The following ZCCHC7 variants were observed in gnomAD, a reference collection of about 807,000 sequenced individuals.
ZCCHC7 encodes the protein zinc finger CCHC domain-containing protein 7.
ZCCHC7 carries 35 observed loss-of-function variants against 52.0 expected under a neutral mutation model. That is an observed-to-expected ratio of 0.67 (90% confidence interval 0.51 to 0.89). The LOEUF (loss-of-function observed/expected upper bound fraction) is 0.89. ZCCHC7 is among the 40% of genes least tolerant of loss of function. The pLI is 0.00. For missense variants in ZCCHC7, 574 were observed against 649.1 expected (o/e 0.88, Z 1.26); for synonymous variants, 217 against 221.5 (o/e 0.98, Z 0.18).
chr9:37,330,724 A>T (rs1240724095), intron 6 of ZCCHC7, among the ~76,000 whole-genome samples: 1 of 151,532 alleles, frequency 6.6e-6, no homozygotes, highest in Non-Finnish European at 1.5e-5. Flanking sequence ...CTGACTTTTA[A>T]TGTTCTTTTT....
At chr9:37,142,477 A>G (rs1843270960) in intron 2 of ZCCHC7, among the ~76,000 whole-genome samples, 1 of 151,728 alleles carries the variant, frequency 6.6e-6, no homozygotes. Flanking sequence ...ACCAAGAAAT[A>G]AATAGCATCA....
intron 2 of ZCCHC7, among the ~76,000 whole-genome samples, chr9:37,287,565 C>T (rs933378608): frequency 3.3e-5 from 5 of 151,972 alleles, no homozygotes; most frequent in Admixed American, 6.6e-5. Flanking sequence ...TCAAGTTAGA[C>T]GGTAACAGAG....
At chr9:37,194,263 T>G (rs1823169366) in intron 2 of ZCCHC7, among the ~76,000 whole-genome samples, 1 of 152,164 alleles carries the variant, frequency 6.6e-6, no homozygotes, top group African/African-American at 2.4e-5. Flanking sequence ...CAAATTGGAG[T>G]ACTTGATTCC....
At chr9:37,223,929 A>G (rs1259654288) in intron 2 of ZCCHC7, among the ~76,000 whole-genome samples, 1 of 152,132 alleles carries the variant, frequency 6.6e-6, no homozygotes, top group African/African-American at 2.4e-5. Context: ...ATTTATGCCT[A>G]AAAAAGACAA....
At chr9:37,193,342 A>C (rs1823115880) in intron 2 of ZCCHC7, among the ~76,000 whole-genome samples, 2 of 152,152 alleles carry the variant, frequency 1.3e-5, no homozygotes, top group African/African-American at 4.8e-5. Flanking sequence ...GTACTGTGTA[A>C]ATCAGACATT....
At chr9:37,210,155 C>T (rs1824137075) in intron 2 of ZCCHC7, among the ~76,000 whole-genome samples, 1 of 152,040 alleles carries the variant, frequency 6.6e-6, no homozygotes, top group Non-Finnish European at 1.5e-5. Flanking sequence ...CTCTCATCTC[C>T]CTGGCTTCTT....
intron 2 of ZCCHC7, among the ~76,000 whole-genome samples, chr9:37,188,291 A>T (rs1414012635): frequency 6.6e-6 from 1 of 151,962 alleles, no homozygotes; most frequent in African/African-American, 2.4e-5. Flanking sequence ...GGAACTACAG[A>T]TGTGTGCCAT....
chr9:37,120,177 G>A (rs1024209752), upstream of ZCCHC7, among the ~76,000 whole-genome samples: 1 of 152,190 alleles, frequency 6.6e-6, no homozygotes, highest in Admixed American at 6.5e-5. Flanking sequence ...GGCGTCCACC[G>A]AGCGCCAGGG....
At chr9:37,170,419 C>T (rs915977591) in intron 2 of ZCCHC7, among the ~76,000 whole-genome samples, 1 of 152,144 alleles carries the variant, frequency 6.6e-6, no homozygotes, top group Admixed American at 6.5e-5. Context: ...CATACCAATT[C>T]CAATCTTTTG....
At chr9:37,312,622 G>T (rs1044410938) in intron 5 of ZCCHC7, among the ~76,000 whole-genome samples, 2 of 152,166 alleles carry the variant, frequency 1.3e-5, no homozygotes, top group African/African-American at 2.4e-5. Context: ...GCAGTTTTAA[G>T]AAATAATATA....
At chr9:37,173,859 A>G (rs1296188756) in intron 2 of ZCCHC7, among the ~76,000 whole-genome samples, 1 of 152,156 alleles carries the variant, frequency 6.6e-6, no homozygotes, top group Non-Finnish European at 1.5e-5. Context: ...TCTTCTAGGC[A>G]GAAATTATGG....
intron 2 of ZCCHC7, among the ~76,000 whole-genome samples, chr9:37,194,255 A>G (rs915497396): frequency 1.3e-5 from 2 of 152,264 alleles, no homozygotes; most frequent in African/African-American, 4.8e-5. Context: ...TTAAAACTCA[A>G]ATTGGAGTAC....
intron 2 of ZCCHC7, among the ~76,000 whole-genome samples, chr9:37,291,365 A>T (rs1246946251): frequency 6.8e-6 from 1 of 147,472 alleles, no homozygotes; most frequent in Non-Finnish European, 1.5e-5. Flanking sequence ...TTTCTGTGTA[A>T]AAAAAAAAAG....
chr9:37,153,638 T>C (rs1820659896), intron 2 of ZCCHC7, among the ~76,000 whole-genome samples: 1 of 151,812 alleles, frequency 6.6e-6, no homozygotes, highest in Non-Finnish European at 1.5e-5. Context: ...CTTTTTTTTT[T>C]AAACATCAGA....
intron 2 of ZCCHC7, among the ~76,000 whole-genome samples, chr9:37,143,460 T>C (rs1843314639): frequency 6.6e-6 from 1 of 151,730 alleles, no homozygotes; most frequent in Non-Finnish European, 1.5e-5. Flanking sequence ...GTAATTCTCA[T>C]ATTGCTGATT....
intron 2 of ZCCHC7, among the ~76,000 whole-genome samples, chr9:37,196,734 A>G (rs899531574): frequency 2.0e-5 from 3 of 152,146 alleles, no homozygotes; most frequent in East Asian, 1.9e-4. Context: ...CTGTTTTTAT[A>G]TAAATATTTG....
chr9:37,207,046 A>C (rs1299696123), intron 2 of ZCCHC7, among the ~76,000 whole-genome samples: 1 of 152,034 alleles, frequency 6.6e-6, no homozygotes, highest in African/African-American at 2.4e-5. Flanking sequence ...GGATCGCTTG[A>C]ACCCAGGAGT....
At chr9:37,296,294 T>TA (rs1264858088) in intron 2 of ZCCHC7, among the ~76,000 whole-genome samples, 1 of 152,204 alleles carries the variant, frequency 6.6e-6, no homozygotes. Context: ...ATTACAAATG[T>TA]AAAAAAGATG....
At chr9:37,199,125 T>C (rs1823451290) in intron 2 of ZCCHC7, among the ~76,000 whole-genome samples, 1 of 152,114 alleles carries the variant, frequency 6.6e-6, no homozygotes. Context: ...AAATGGCCAA[T>C]GAAAACATGC....
Sources: allele counts gnomAD v4.1 joint callset (sites outside exome capture counted in the v4.1 genomes callset), GRCh38; gene constraint gnomAD v4.1.1; transcripts MANE v1.5; gene names NCBI Gene and HGNC (gene_info 2026-07-23, HGNC 2026-07-21).